The following SLC30A4 variants were observed in gnomAD, a reference collection of about 807,000 sequenced individuals.
The protein encoded by SLC30A4 is probable proton-coupled zinc antiporter SLC30A4.
Under a neutral mutation model 41.7 loss-of-function variants are expected in SLC30A4, and 20 were observed. The observed-to-expected ratio is 0.48, with a 90% CI of 0.34 to 0.70. The LOEUF is 0.70. Among genes scored for constraint, SLC30A4 ranks in the 30% least tolerant of loss-of-function variants. The pLI, the probability that SLC30A4 is intolerant of heterozygous loss-of-function variation, is 0.01. For synonymous variants in SLC30A4, 181 were observed against 195.9 expected, an observed-to-expected ratio of 0.92 and a Z score of 0.64; for missense variants, 441 against 529.3, an observed-to-expected ratio of 0.83 and a Z score of 1.64.
intron 2 of SLC30A4, among the ~76,000 whole-genome samples, chr15:45,516,934 T>C (rs1207409768): frequency 6.6e-6 from 1 of 152,108 alleles, no homozygotes; most frequent in Non-Finnish European, 1.5e-5. Flanking sequence ...CTGTTTATCG[T>C]ATAAGAGAGG....
rs1475396756 is a variant in SLC30A4, at chr15:45,508,828, A to C, written c.538+2310T>G. On this transcript the variant is annotated intron_variant, in intron 3 of 7. Coordinates refer to ENST00000261867, the MANE Select transcript of SLC30A4 (RefSeq NM_013309.6). ...CTATTGTCTCTTATTTTTACATAGTATTTATTTATGAAGAAGCAAAGTGAC... is the reference window on the plus strand; with the variant it reads ...CTATTGTCTCTTATTTTTACATAGTCTTTATTTATGAAGAAGCAAAGTGAC... Among the ~76,000 whole-genome samples, 8 of 152,270 alleles carry C rather than the reference A, an allele frequency of 5.3e-5. No individual in the cohort carries two copies. In the South Asian group the frequency reaches 1.5e-3, roughly 28 times the overall value.
chr15:45,485,571 T>C (rs1161420605), intron 7 of SLC30A4, among the ~76,000 whole-genome samples: 2 of 152,176 alleles, frequency 1.3e-5, no homozygotes, highest in East Asian at 3.8e-4. Context: ...CATTAAAATA[T>C]CTTGTGCACA....
intron 3 of SLC30A4, among the ~76,000 whole-genome samples, chr15:45,509,594 G>GA (rs1892237232): frequency 6.6e-6 from 1 of 151,854 alleles, no homozygotes; most frequent in Non-Finnish European, 1.5e-5. Flanking sequence ...CTTAACAAAA[G>GA]AAAAACTTCA....
At chr15:45,508,595 T>A (rs1413931252) in intron 3 of SLC30A4, among the ~76,000 whole-genome samples, 2 of 152,166 alleles carry the variant, frequency 1.3e-5, no homozygotes, top group Admixed American at 6.6e-5. Flanking sequence ...CTTCCAAAAA[T>A]TTCTGGAAAT....
chr15:45,502,752 T>C (rs895513521), intron 3 of SLC30A4: 1 of 152,202 alleles, frequency 6.6e-6, no homozygotes, highest in Non-Finnish European at 1.5e-5. Context: ...CCCAGCACTT[T>C]GGGAGACTGA....
At chr15:45,500,592 T>A (rs1356604286) in intron 3 of SLC30A4, among the ~76,000 whole-genome samples, 2 of 152,194 alleles carry the variant, frequency 1.3e-5, no homozygotes, top group Non-Finnish European at 2.9e-5. Flanking sequence ...ACAACAGTAC[T>A]ATCCAGCTAT....
chr15:45,510,118 C>T (rs548625324), intron 3 of SLC30A4, among the ~76,000 whole-genome samples: 36 of 151,964 alleles, frequency 2.4e-4, no homozygotes, highest in African/African-American at 8.2e-4. Flanking sequence ...CACACCACTG[C>T]ACTCCAGCCT....
At chr15:45,492,148 AG>A (rs1414729458) in intron 3 of SLC30A4, among the ~76,000 whole-genome samples, 1 of 151,814 alleles carries the variant, frequency 6.6e-6, no homozygotes, top group Non-Finnish European at 1.5e-5. Context: ...TCTACTTGAT[AG>A]AAACACCTGC....
Position 45,517,471 on chromosome 15 carries a change from G to C in SLC30A4, c.391+4493C>G, listed in dbSNP as rs192186783. On this transcript the variant is annotated intron_variant, in intron 2 of 7. Transcript: ENST00000261867. ...TAGGTTCAAGTGATTCTTTTGCCTC[G>C]GCCTCCCGAGTAGCTGGGATTACAG... is the stretch of plus-strand genomic sequence containing the variant. 3.4e-5 allele frequency among the ~76,000 whole-genome samples: 5 copies of C among 147,708 alleles called. No individual in the cohort carries two copies. In the East Asian group the frequency reaches 1.0e-3, roughly 30 times the overall value.
At chr15:45,511,110 TAAAGCA>T in intron 3 of SLC30A4, 22 bp downstream of exon 3, 1 of 1,586,338 alleles carries the variant, frequency 6.3e-7, no homozygotes, top group South Asian at 1.1e-5. Context: ...TAAAATATTA[TAAAGCA>T]AAAGAAACAC....
intron 2 of SLC30A4, among the ~76,000 whole-genome samples, chr15:45,511,804 A>C (rs1892301544): frequency 1.3e-5 from 2 of 152,196 alleles, no homozygotes. Flanking sequence ...TTCTAGTAAC[A>C]CATGCTGCAA....
At chr15:45,504,618 A>G (rs1447585002) in intron 3 of SLC30A4, among the ~76,000 whole-genome samples, 3 of 152,250 alleles carry the variant, frequency 2.0e-5, no homozygotes, top group Non-Finnish European at 4.4e-5. Flanking sequence ...TAAAAGCTAC[A>G]TATAAACCTT....
intron 3 of SLC30A4, among the ~76,000 whole-genome samples, chr15:45,492,937 T>C (rs1891838525): frequency 6.6e-6 from 1 of 152,156 alleles, no homozygotes; most frequent in Non-Finnish European, 1.5e-5. Context: ...AATAATTTTG[T>C]ATCTTTTCAA....
chr15:45,490,624 AT>A, intron 4 of SLC30A4, 103 bp downstream of exon 4: 1 of 712,548 alleles, frequency 1.4e-6, no homozygotes, highest in Admixed American at 3.2e-5. Context: ...GAGTTATATC[AT>A]TTTTAAAATA....
chr15:45,509,138 A>G lies in SLC30A4; in HGVS notation c.538+2000T>C, dbSNP rs892738364. ...CTGCAGGTGTTTAAATCTCAAAAAA[A>G]TTAATGTTTAAAAATAATTTTGAAG... is the stretch of plus-strand genomic sequence containing the variant. On this transcript the variant is annotated intron_variant, in intron 3 of 7. Coordinates refer to ENST00000261867, the MANE Select transcript of SLC30A4 (RefSeq NM_013309.6). 2.0e-5 allele frequency among the ~76,000 whole-genome samples: 3 copies of G among 152,332 alleles called. No individual in the cohort carries two copies. In the East Asian group the frequency reaches 5.8e-4, roughly 29 times the overall value.
chr15:45,519,940 T>C (rs962710729), intron 2 of SLC30A4, among the ~76,000 whole-genome samples: 14 of 152,244 alleles, frequency 9.2e-5, no homozygotes, highest in African/African-American at 3.1e-4. Flanking sequence ...GTGCTTTATC[T>C]GGGGCACAGG....
At position 45,479,675 on chromosome 15, in the gene SLC30A4, T is replaced by G. The variant is rs927109077; in HGVS notation, c.*5488A>C. The stretch of plus-strand genomic sequence containing the variant: ...GCATTATAAAATGACATTATAATTA[T>G]AAAAGATTTTCTTTTAAGAACAATG... On this transcript the variant is annotated 3_prime_UTR_variant, in exon 8 of 8. Coordinates refer to ENST00000261867, the MANE Select transcript of SLC30A4 (RefSeq NM_013309.6). The G allele has an allele frequency of 2.0e-5, 3 of 152,106 alleles. No homozygotes were observed. The highest frequency in any genetic ancestry group is 7.2e-5 in the African/African-American group (3 of 41,442). The allele number at this position is 152,106 out of a possible 1,614,324, so 9.4% of individuals were successfully genotyped here.
chr15:45,492,603 G>C (rs1891831080), intron 3 of SLC30A4, among the ~76,000 whole-genome samples: 1 of 152,006 alleles, frequency 6.6e-6, no homozygotes, highest in East Asian at 1.9e-4. Context: ...GATTAGTAGG[G>C]ACCTTGTAAG....
chr15:45,507,730 C>T (rs1394969921), intron 3 of SLC30A4, among the ~76,000 whole-genome samples: 3 of 152,112 alleles, frequency 2.0e-5, no homozygotes, highest in Non-Finnish European at 4.4e-5. Flanking sequence ...TCAAGTGATC[C>T]GCCCACCTTG....
Sources: gnomAD v4.1 joint callset for allele counts (sites outside exome capture counted in the v4.1 genomes callset) on GRCh38, gnomAD v4.1.1 for gene constraint, MANE v1.5 for transcripts, NCBI Gene and HGNC (gene_info 2026-07-23, HGNC 2026-07-21) for gene names.